The following BCAS3 variants were observed in gnomAD, a reference collection of about 807,000 sequenced individuals.
BCAS3 encodes BCAS4/BCAS3 fusion.
Under a neutral mutation model 116.1 loss-of-function variants are expected in BCAS3, and 53 were observed. That is an observed-to-expected ratio of 0.46 (90% CI 0.37 to 0.57). The LOEUF (loss-of-function observed/expected upper bound fraction) is 0.57, where lower values mean the gene tolerates loss of function less well. Among genes scored for constraint, BCAS3 ranks in the 20% least tolerant of loss-of-function variants. The pLI is 0.00. For synonymous variants in BCAS3, 391 were observed against 408.2 expected, an observed-to-expected ratio of 0.96 and a Z score of 0.51; for missense variants, 917 against 1,165.4, an observed-to-expected ratio of 0.79 and a Z score of 3.10.
At chr17:60,910,163 C>A (rs1410385731) in intron 11 of BCAS3, among the ~76,000 whole-genome samples, 1 of 152,154 alleles carries the variant, frequency 6.6e-6, no homozygotes, top group Non-Finnish European at 1.5e-5. Context: ...TTCATAGTTT[C>A]TACTTCTTCC....
At chr17:60,793,844 A>G (rs55767503) in intron 6 of BCAS3, among the ~76,000 whole-genome samples, 4,655 of 152,170 alleles carry the variant, frequency 0.031, 207 homozygotes, top group African/African-American at 0.1. Context: ...TGATTTTGCA[A>G]TTGTGAACTG....
chr17:60,723,682 AT>A (rs1223783781), intron 5 of BCAS3, among the ~76,000 whole-genome samples: 1 of 135,102 alleles, frequency 7.4e-6, no homozygotes, highest in Non-Finnish European at 1.6e-5. Context: ...AGTCTACTTT[AT>A]AGCTATTGTT....
chr17:60,826,764 A>G (rs2050466961), intron 7 of BCAS3, among the ~76,000 whole-genome samples: 1 of 152,202 alleles, frequency 6.6e-6, no homozygotes. Context: ...TGGAAATTTA[A>G]CAGGAGTACT....
chr17:60,749,724 C>T (rs2042288322), intron 6 of BCAS3, among the ~76,000 whole-genome samples: 1 of 152,096 alleles, frequency 6.6e-6, no homozygotes, highest in African/African-American at 2.4e-5. Context: ...TACCCTCCTC[C>T]CTTCTTTCTT....
rs540055563 is a variant in BCAS3, at chr17:61,134,146, A to G, written c.2425+49582A>G. Among the ~76,000 whole-genome samples the G allele has an allele frequency of 6.6e-6, 1 of 152,244 alleles. No individual in the cohort carries two copies. Among genetic ancestry groups the G allele is most frequent in the Non-Finnish European group, 1.5e-5 (1 of 68,038 alleles). ...TCATATAGTCTGCTATAGTCTGGCC[A>G]GTATGAATTAAATAAAAGTCACATT... On this transcript the variant is annotated intron_variant, in intron 22 of 23. Coordinates refer to ENST00000407086, the MANE Select transcript of BCAS3 (RefSeq NM_017679.5). This position sits in a 1 kb window ranked among gnomAD's most constrained non-coding sequence, Gnocchi z 4.6.
intron 13 of BCAS3, among the ~76,000 whole-genome samples, chr17:60,946,429 C>G (rs142265341): frequency 2.8e-3 from 425 of 152,272 alleles, no homozygotes; most frequent in Non-Finnish European, 4.3e-3. Flanking sequence ...GCTATGACAT[C>G]TCATCAAAAT....
At chr17:61,066,069 C>T (rs1413704487) in intron 19 of BCAS3, among the ~76,000 whole-genome samples, 1 of 152,114 alleles carries the variant, frequency 6.6e-6, no homozygotes, top group Non-Finnish European at 1.5e-5. Context: ...GCATTTTTAT[C>T]CTTAATTTGA....
Position 61,244,071 on chromosome 17 carries a change from T to C in BCAS3, c.2426-124256T>C, listed in dbSNP as rs568799580. 1.3e-5 allele frequency among the ~76,000 whole-genome samples: 2 copies of C among 152,306 alleles called. No homozygotes were observed. Among genetic ancestry groups the C allele is most frequent in the African/African-American group, 4.8e-5 (2 of 41,562 alleles). ...CCTCCCAAAGGGATGAGTTTTAATA[T>C]GCTAATTACTTCAAGTTTTAAAAGA... On this transcript the variant is annotated intron_variant, in intron 22 of 23. Coordinates refer to ENST00000407086, the MANE Select transcript of BCAS3 (RefSeq NM_017679.5). The surrounding 1 kb of genome is among the most constrained non-coding windows in gnomAD (Gnocchi z 4.9).
chr17:61,046,012 T>TTATATATATATTA (rs2068200426), intron 19 of BCAS3, among the ~76,000 whole-genome samples: 1 of 9,022 alleles, frequency 1.1e-4, no homozygotes, highest in Non-Finnish European at 1.5e-4. Context: ...ATATATATAT[T>TTATATATATATTA]TATATATATA....
Position 61,380,210 on chromosome 17 carries a change from G to T in BCAS3, c.2593+11716G>T. 2.8e-6 allele frequency: 1 copy of T among 362,556 alleles called. No individual in the cohort carries two copies. The highest frequency in any genetic ancestry group is 5.1e-6 in the Non-Finnish European group (1 of 198,016). The allele number at this position is 362,556 out of a possible 1,614,324, so 22.5% of individuals were successfully genotyped here. On this transcript the variant is annotated intron_variant, in intron 23 of 23. Coordinates refer to ENST00000407086, the MANE Select transcript of BCAS3 (RefSeq NM_017679.5). The surrounding 1 kb of genome is among the most constrained non-coding windows in gnomAD (Gnocchi z 4.2). ...ATCTGAGGGGTTACCCAGGATGCCG[G>T]CTTTCTCTCTACATCATTCCCTACC...
chr17:61,058,826 CAAT>C (rs2069665922), intron 19 of BCAS3, among the ~76,000 whole-genome samples: 1 of 152,180 alleles, frequency 6.6e-6, no homozygotes, highest in South Asian at 2.1e-4. Flanking sequence ...GACTCTCAAT[CAAT>C]GATATAATTG....
intron 7 of BCAS3, among the ~76,000 whole-genome samples, chr17:60,822,894 T>C (rs2144688372): frequency 6.6e-6 from 1 of 152,324 alleles, no homozygotes; most frequent in East Asian, 1.9e-4. Flanking sequence ...CATTATCATA[T>C]GTGGGTGAAA....
At chr17:60,699,496 C>T (rs1174534606) in intron 4 of BCAS3, among the ~76,000 whole-genome samples, 5 of 152,204 alleles carry the variant, frequency 3.3e-5, no homozygotes, top group African/African-American at 1.2e-4. Context: ...GTTGGGATTA[C>T]AGGCGTGAGC....
chr17:61,030,212 A>C (rs965617893), intron 16 of BCAS3, among the ~76,000 whole-genome samples: 6 of 152,110 alleles, frequency 3.9e-5, no homozygotes, highest in African/African-American at 1.2e-4. Context: ...ATGAAAAGAA[A>C]CGGTGCTTCT....
intron 22 of BCAS3, among the ~76,000 whole-genome samples, chr17:61,360,046 G>A (rs890279551): frequency 3.4e-5 from 5 of 145,152 alleles, no homozygotes; most frequent in East Asian, 2.1e-4. Flanking sequence ...TCACTCTGTC[G>A]CCCAGACTGG....
At chr17:60,880,073 T>C (rs1308903609) in intron 9 of BCAS3, among the ~76,000 whole-genome samples, 1 of 152,200 alleles carries the variant, frequency 6.6e-6, no homozygotes, top group Admixed American at 6.5e-5. Context: ...GTGAACTAAC[T>C]TGTGACTTTT....
chr17:60,800,228 T>C (rs2047650524), intron 6 of BCAS3, among the ~76,000 whole-genome samples: 1 of 152,236 alleles, frequency 6.6e-6, no homozygotes, highest in Non-Finnish European at 1.5e-5. Flanking sequence ...ATATTTCCAC[T>C]AGCAATGTAT....
chr17:61,043,688 A>G (rs1233919484), intron 19 of BCAS3, among the ~76,000 whole-genome samples: 1 of 151,980 alleles, frequency 6.6e-6, no homozygotes, highest in Non-Finnish European at 1.5e-5. Flanking sequence ...GTGCCCTGCA[A>G]TCGAATGGTG....
intron 6 of BCAS3, among the ~76,000 whole-genome samples, chr17:60,751,166 T>C (rs2042420558): frequency 6.6e-6 from 1 of 152,212 alleles, no homozygotes; most frequent in Non-Finnish European, 1.5e-5. Context: ...TTGTATTTAA[T>C]GGGCATTTAC....
Sources: gnomAD v4.1 joint callset for allele counts (sites outside exome capture counted in the v4.1 genomes callset) on GRCh38, gnomAD v4.1.1 for gene constraint, Gnocchi (gnomAD v3.1) non-coding constraint, MANE v1.5 for transcripts, NCBI Gene and HGNC (gene_info 2026-07-23, HGNC 2026-07-21) for gene names.